The following KIAA1217 variants were observed in gnomAD, a reference collection of about 807,000 sequenced individuals.
KIAA1217 encodes the protein sickle tail protein homolog.
In KIAA1217, 88 loss-of-function variants were observed where a neutral mutation model predicts 163.9. That is an observed-to-expected ratio of 0.54 (90% confidence interval 0.45 to 0.64). The LOEUF is 0.64. Among genes scored for constraint, KIAA1217 ranks in the 30% least tolerant of loss-of-function variants. The probability of loss-of-function intolerance (pLI) is 0.00; values close to 1 mark genes in which losing one functional copy is unlikely to be tolerated. For missense variants in KIAA1217, 2,372 were observed against 2,475.0 expected (o/e 0.96, Z 0.88); for synonymous variants, 903 against 923.1 (o/e 0.98, Z 0.39).
intron 2 of KIAA1217, among the ~76,000 whole-genome samples, chr10:24,250,962 C>T (rs1045906799): frequency 3.3e-5 from 5 of 151,884 alleles, no homozygotes; most frequent in Admixed American, 1.3e-4. Context: ...TGCTATGGCT[C>T]ACACCTGTAA....
intron 2 of KIAA1217, among the ~76,000 whole-genome samples, chr10:24,270,741 T>C (rs2076697179): frequency 1.3e-5 from 2 of 152,114 alleles, no homozygotes; most frequent in African/African-American, 4.8e-5. Context: ...GTTATGGGGT[T>C]TCACCATGTT....
At chr10:24,533,344 C>A in intron 16 of KIAA1217, 107 bp downstream of exon 16, 1 of 1,109,122 alleles carries the variant, frequency 9.0e-7, no homozygotes, top group Non-Finnish European at 1.3e-6. Context: ...GCGCATGGAC[C>A]GGGACCATAG....
At chr10:23,983,445 T>C (rs1207815593) in intron 1 of KIAA1217, among the ~76,000 whole-genome samples, 1 of 151,994 alleles carries the variant, frequency 6.6e-6, no homozygotes, top group Non-Finnish European at 1.5e-5. Flanking sequence ...ACCATGGTGG[T>C]AGGCAAAGGA....
At chr10:24,528,936 GAAT>G (rs2072668958) in intron 14 of KIAA1217, among the ~76,000 whole-genome samples, 1 of 152,050 alleles carries the variant, frequency 6.6e-6, no homozygotes, top group Non-Finnish European at 1.5e-5. Context: ...GCCAACATGT[GAAT>G]AATAATATAA....
chr10:23,736,262 T>A (rs1838795944), intron 1 of KIAA1217, among the ~76,000 whole-genome samples: 1 of 152,254 alleles, frequency 6.6e-6, no homozygotes, highest in Non-Finnish European at 1.5e-5. Flanking sequence ...TCTTTGATCC[T>A]TTGTTGTGAT....
intron 1 of KIAA1217, among the ~76,000 whole-genome samples, chr10:23,709,825 G>A (rs1369043255): frequency 1.3e-5 from 2 of 152,148 alleles, no homozygotes; most frequent in Non-Finnish European, 2.9e-5. Flanking sequence ...AAGGTCACAG[G>A]CAGTTGGGGC....
chr10:23,959,386 A>G (rs1844718815), intron 1 of KIAA1217, among the ~76,000 whole-genome samples: 1 of 152,246 alleles, frequency 6.6e-6, no homozygotes, highest in East Asian at 1.9e-4. Context: ...AGCCAGGCGC[A>G]GTGGTGCATA....
chr10:24,304,748 G>A (rs1015946176), intron 2 of KIAA1217, among the ~76,000 whole-genome samples: 2 of 152,126 alleles, frequency 1.3e-5, no homozygotes, highest in African/African-American at 4.8e-5. Context: ...AAAAGGTCCA[G>A]GTGGAGAAAG....
At position 24,157,891 on chromosome 10, in the gene KIAA1217, G is replaced by T. The variant is rs927659089; in HGVS notation, c.-170-61735G>T. 4 of 653,926 alleles carry T rather than the reference G, an allele frequency of 6.1e-6. No individual in the cohort carries two copies. In the East Asian group the frequency reaches 1.0e-4, roughly 17 times the overall value. The allele number at this position is 653,926 out of a possible 1,614,324, so 40.5% of individuals were successfully genotyped here. A position where few individuals can be genotyped will look rare whatever the true frequency, so the allele number is the denominator to read the frequency against. ...CTGCATTAGGATCTGAACCAATGAT[G>T]CTGGCTTCATCTCCAAAGCCAGGAG... On this transcript the variant is annotated intron_variant, in intron 2 of 18. Coordinates refer to the KIAA1217 transcript ENST00000376462.
intron 2 of KIAA1217, among the ~76,000 whole-genome samples, chr10:24,029,075 T>G (rs1364487678): frequency 6.6e-6 from 1 of 152,048 alleles, no homozygotes; most frequent in African/African-American, 2.4e-5. Flanking sequence ...AAAAATAAAT[T>G]TATACTTCAC....
chr10:24,306,054 G>A (rs770853849), intron 2 of KIAA1217, among the ~76,000 whole-genome samples: 8 of 152,174 alleles, frequency 5.3e-5, no homozygotes, highest in Non-Finnish European at 1.2e-4. Flanking sequence ...TTCTGGTTGA[G>A]TTAGTCTCTT....
At position 24,165,437 on chromosome 10, in the gene KIAA1217, G is replaced by A. The variant is rs543056285; in HGVS notation, c.-170-54189G>A. On this transcript the variant is annotated intron_variant, in intron 2 of 18. Coordinates refer to the KIAA1217 transcript ENST00000376462. ...GTGCAAGATGCAAAAAACAGAAAAC[G>A]AAAACCACCCAGAGAGGATTCGCCT... is the stretch of plus-strand genomic sequence containing the variant. Among the ~76,000 whole-genome samples, 8 of 152,240 alleles carry A rather than the reference G, an allele frequency of 5.3e-5. No homozygotes were observed. In the East Asian group the frequency reaches 7.7e-4, roughly 15 times the overall value.
At position 23,987,603 on chromosome 10, in the gene KIAA1217, T is replaced by TTGTG. The variant is rs568995756; in HGVS notation, c.-320-19604_-320-19601dup. Among the ~76,000 whole-genome samples the TTGTG allele has an allele frequency of 0.012, 1,502 of 121,272 alleles. 69 individuals are homozygous for TTGTG. The East Asian group carries it at 0.18, about 14-fold the overall frequency. 79.6% of individuals were successfully genotyped at this position (121,272 alleles called of 152,430 possible). ...TGTATTCATTACCTCACATTCTTAT[T>TTGTG]TGTGTGTGTGTGTGTGTGTGTATGT... On this transcript the variant is annotated intron_variant, in intron 1 of 18. Coordinates refer to the KIAA1217 transcript ENST00000376462.
intron 2 of KIAA1217, among the ~76,000 whole-genome samples, chr10:24,011,672 A>G (rs74420808): frequency 0.018 from 2,700 of 152,224 alleles, 87 homozygotes; most frequent in African/African-American, 0.062. Flanking sequence ...GGAACTCTCA[A>G]CTTAACACTC....
At chr10:24,465,979 G>T (rs1007813597) in intron 5 of KIAA1217, among the ~76,000 whole-genome samples, 1 of 152,132 alleles carries the variant, frequency 6.6e-6, no homozygotes, top group Admixed American at 6.5e-5. Context: ...CTTGCCCGGC[G>T]CTATGTAGGA....
At chr10:24,520,917 C>T (rs1054492477) in intron 11 of KIAA1217, among the ~76,000 whole-genome samples, 1 of 149,638 alleles carries the variant, frequency 6.7e-6, no homozygotes, top group Non-Finnish European at 1.5e-5. Flanking sequence ...TGTAACCAGG[C>T]ACGGTGGCTC....
chr10:24,016,708 T>G, intron 2 of KIAA1217, among the ~76,000 whole-genome samples: 1 of 152,140 alleles, frequency 6.6e-6, no homozygotes, highest in East Asian at 1.9e-4. Context: ...TTACTTGCTT[T>G]TTACCTTACC....
At chr10:24,210,216 A>C (rs1266641636) in intron 1 of KIAA1217, among the ~76,000 whole-genome samples, 1 of 152,172 alleles carries the variant, frequency 6.6e-6, no homozygotes, top group African/African-American at 2.4e-5. Flanking sequence ...AAAGGGAAGT[A>C]ACACATGACT....
chr10:24,409,944 T>G (rs544652890), intron 3 of KIAA1217, among the ~76,000 whole-genome samples: 2 of 152,160 alleles, frequency 1.3e-5, no homozygotes, highest in East Asian at 3.9e-4. Flanking sequence ...TTATGTGATA[T>G]TCCATCATAT....
Sources: gnomAD v4.1 joint callset for allele counts (sites outside exome capture counted in the v4.1 genomes callset) on GRCh38, gnomAD v4.1.1 for gene constraint, MANE v1.5 for transcripts, NCBI Gene and HGNC (gene_info 2026-07-23, HGNC 2026-07-21) for gene names.